The following NECAB1 variants were observed in gnomAD, a reference collection of about 807,000 sequenced individuals.
NECAB1 encodes the protein N-terminal EF-hand calcium binding protein 1, also known as N-terminal EF-hand calcium-binding protein 1.
In NECAB1, 29 loss-of-function variants were observed where a neutral mutation model predicts 57.5. The observed-to-expected ratio is 0.50, with a 90% confidence interval of 0.38 to 0.69. The LOEUF (loss-of-function observed/expected upper bound fraction) is 0.69. Among genes scored for constraint, NECAB1 ranks in the 30% least tolerant of loss-of-function variants. NECAB1 has a pLI of 0.00. For synonymous variants in NECAB1, 142 were observed against 147.7 expected (o/e 0.96, Z 0.28); for missense variants, 372 against 413.8 (o/e 0.90, Z 0.88).
At chr8:90,850,378 C>T (rs894833366) in intron 3 of NECAB1, among the ~76,000 whole-genome samples, 5 of 152,088 alleles carry the variant, frequency 3.3e-5, no homozygotes, top group African/African-American at 1.2e-4. Context: ...CATTTTCCCA[C>T]TAGGATATTG....
intron 4 of NECAB1, among the ~76,000 whole-genome samples, chr8:90,878,198 T>C (rs1808765063): frequency 6.6e-6 from 1 of 152,130 alleles, no homozygotes; most frequent in Non-Finnish European, 1.5e-5. Context: ...CTTCAACCAT[T>C]GTCTTTAACA....
intron 2 of NECAB1, among the ~76,000 whole-genome samples, chr8:90,815,868 C>G (rs1812053792): frequency 6.6e-6 from 1 of 151,860 alleles, no homozygotes; most frequent in African/African-American, 2.4e-5. Context: ...ATGAACAAAG[C>G]TGTGATATAC....
intron 1 of NECAB1, among the ~76,000 whole-genome samples, chr8:90,793,164 A>G (rs1811603194): frequency 6.6e-6 from 1 of 152,238 alleles, no homozygotes; most frequent in Non-Finnish European, 1.5e-5. Flanking sequence ...ATGGTGAGGC[A>G]GAGATAAAGA....
intron 10 of NECAB1, among the ~76,000 whole-genome samples, chr8:90,945,104 C>T (rs1435323953): frequency 6.6e-6 from 1 of 152,034 alleles, no homozygotes; most frequent in Non-Finnish European, 1.5e-5. Flanking sequence ...CGCTCTGTCG[C>T]CCAGGCTGGA....
At chr8:90,794,580 G>A (rs1408386635) in intron 1 of NECAB1, among the ~76,000 whole-genome samples, 1 of 152,178 alleles carries the variant, frequency 6.6e-6, no homozygotes, top group Non-Finnish European at 1.5e-5. Context: ...TACATGACCA[G>A]CTGGTTGGAA....
At chr8:90,878,517 AAG>A (rs895926399) in intron 4 of NECAB1, among the ~76,000 whole-genome samples, 1 of 152,136 alleles carries the variant, frequency 6.6e-6, no homozygotes, top group Non-Finnish European at 1.5e-5. Flanking sequence ...TAAGTTATAA[AAG>A]AGCCTTAGTG....
intron 3 of NECAB1, among the ~76,000 whole-genome samples, chr8:90,851,522 T>A (rs1168827661): frequency 6.6e-6 from 1 of 152,152 alleles, no homozygotes; most frequent in Non-Finnish European, 1.5e-5. Flanking sequence ...GAGAATTGCT[T>A]GATGTAAGGA....
At chr8:90,800,848 A>G (rs1811746582) in intron 1 of NECAB1, among the ~76,000 whole-genome samples, 2 of 152,168 alleles carry the variant, frequency 1.3e-5, no homozygotes, top group South Asian at 4.1e-4. Flanking sequence ...TTTGTCAGAC[A>G]TAAGTGCCCT....
chr8:90,934,193 A>C (rs556039041), intron 8 of NECAB1, 111 bp from the exon 9 acceptor site: 1 of 703,802 alleles, frequency 1.4e-6, no homozygotes, highest in African/African-American at 1.9e-5. Flanking sequence ...TAAGATAATG[A>C]AGTTCTTTTG....
At chr8:90,900,602 C>G (rs553021412) in intron 5 of NECAB1, among the ~76,000 whole-genome samples, 5 of 152,286 alleles carry the variant, frequency 3.3e-5, no homozygotes, top group South Asian at 2.1e-4. Flanking sequence ...AGAATTAGTT[C>G]TTTCCCTTCC....
chr8:90,835,000 T>TA (rs34904518), intron 3 of NECAB1, among the ~76,000 whole-genome samples: 25 of 148,638 alleles, frequency 1.7e-4, no homozygotes, highest in Admixed American at 4.7e-4. Context: ...TTTTTTTTTT[T>TA]AAAAAAGAGC....
intron 4 of NECAB1, among the ~76,000 whole-genome samples, chr8:90,875,657 T>C (rs1274602912): frequency 1.3e-5 from 2 of 151,638 alleles, no homozygotes; most frequent in East Asian, 1.9e-4. Flanking sequence ...TCGGGTGTTA[T>C]CTACAAAATA....
Position 90,816,753 on chromosome 8 carries a change from G to C in NECAB1, c.125-7964G>C, listed in dbSNP as rs1305808315. Reference sequence around the variant, plus strand: ...TAGCTTTACAGTAAATCTTGCAATTGGGAAGTGTCTGTCCTCAAACTTTAT... The same window carrying C: ...TAGCTTTACAGTAAATCTTGCAATTCGGAAGTGTCTGTCCTCAAACTTTAT... On this transcript the variant is annotated intron_variant, in intron 2 of 12. Coordinates refer to ENST00000417640, the MANE Select transcript of NECAB1 (RefSeq NM_022351.5). Among the ~76,000 whole-genome samples the C allele has an allele frequency of 2.0e-5, 3 of 151,734 alleles. No homozygotes were observed. The South Asian group carries it at 6.2e-4, about 32-fold the overall frequency.
intron 6 of NECAB1, among the ~76,000 whole-genome samples, chr8:90,921,782 T>C (rs1810120558): frequency 6.6e-6 from 1 of 152,222 alleles, no homozygotes. Context: ...TGGGATTTAA[T>C]ATTTGTGAAA....
rs180941082 is a variant in NECAB1 at position 90,927,970 on chromosome 8, A to T, written c.617-253A>T. Among the ~76,000 whole-genome samples the T allele has an allele frequency of 7.1e-4, 106 of 150,070 alleles. 2 individuals carry two copies. In the East Asian group the frequency reaches 0.02, roughly 28 times the overall value. ...GGGGTTTTGTAAATGGCTCAGCAGGATCTTTTCTTTGAATATCAAAGGCCA... is the reference window on the plus strand; with the variant it reads ...GGGGTTTTGTAAATGGCTCAGCAGGTTCTTTTCTTTGAATATCAAAGGCCA... On this transcript the variant is annotated intron_variant, in intron 7 of 12. Transcript: ENST00000417640.
intron 5 of NECAB1, among the ~76,000 whole-genome samples, chr8:90,886,304 A>G (rs540720330): frequency 3.3e-5 from 5 of 151,962 alleles, no homozygotes; most frequent in Admixed American, 2.0e-4. Flanking sequence ...TTTTTTTTCA[A>G]ATAGGTAACT....
intron 3 of NECAB1, among the ~76,000 whole-genome samples, chr8:90,855,960 T>C (rs760271740): frequency 7.9e-5 from 12 of 152,140 alleles, no homozygotes; most frequent in Non-Finnish European, 1.6e-4. Context: ...GTTTTATATA[T>C]GTTTGGGGGT....
At chr8:90,830,593 G>GTAAAC (rs1222171893) in intron 3 of NECAB1, among the ~76,000 whole-genome samples, 1 of 152,102 alleles carries the variant, frequency 6.6e-6, no homozygotes, top group Non-Finnish European at 1.5e-5. Flanking sequence ...CTGGCCATCA[G>GTAAAC]TAAACTAGCA....
intron 5 of NECAB1, among the ~76,000 whole-genome samples, chr8:90,915,717 G>A (rs1809934987): frequency 6.6e-6 from 1 of 152,172 alleles, no homozygotes; most frequent in African/African-American, 2.4e-5. Flanking sequence ...GAAGCCAGTG[G>A]TGGATCAGTC....
Sources: gnomAD v4.1 joint callset for allele counts (sites outside exome capture counted in the v4.1 genomes callset) on GRCh38, gnomAD v4.1.1 for gene constraint, MANE v1.5 for transcripts, NCBI Gene and HGNC (gene_info 2026-07-23, HGNC 2026-07-21) for gene names.